Variants in DNAH1 observed in about 807,000 individuals in gnomAD.
DNAH1 encodes dynein axonemal heavy chain 1, also known as axonemal beta dynein heavy chain 1.
Under a neutral mutation model 484.3 loss-of-function variants are expected in DNAH1, and 327 were observed. The ratio of observed to expected loss-of-function variants is 0.68; its 90% CI spans 0.62 to 0.74. DNAH1 has a LOEUF of 0.74. Ranked by LOEUF, DNAH1 falls within the 30% of genes least tolerant of loss-of-function variation. The pLI is 0.00. For synonymous variants in DNAH1, 2,192 were observed against 2,191.9 expected (o/e 1.00, Z 0.00); for missense variants, 5,052 against 5,546.8 (o/e 0.91, Z 2.83).
intron 44 of DNAH1, chr3:52,374,055 A>T (rs1578166663): frequency 9.9e-7 from 1 of 1,008,930 alleles, no homozygotes; most frequent in African/African-American, 1.6e-5. Context: ...TTTGTATTGC[A>T]GCTTTTAAAG....
Position 52,397,744 on chromosome 3 carries a change from A to T in DNAH1, c.11825A>T (p.Asp3942Val). ...LSYIKSLPLN[D>V]MPEIFGLHDN... Reference sequence around the variant, plus strand: ...TACATCAAGAGCCTCCCACTCAATGATATGCCTGAGATCTTTGGCCTGCAT... The same window carrying T: ...TACATCAAGAGCCTCCCACTCAATGTTATGCCTGAGATCTTTGGCCTGCAT... Residue 3942 changes from aspartate to valine, a missense_variant, in exon 74 of 78, where the codon GAT (aspartate) becomes GTT (valine). This residue lies in a region of DNAH1 where 853 missense variants were observed against 899.0 expected (regional missense o/e 0.95). Coordinates refer to ENST00000420323, the MANE Select transcript of DNAH1 (RefSeq NM_015512.5). 1 of 1,613,290 alleles carries T rather than the reference A, an allele frequency of 6.2e-7. No homozygotes were observed. Among genetic ancestry groups the T allele is most frequent in the Non-Finnish European group, 8.5e-7 (1 of 1,179,462 alleles).
chr3:52,320,768 A>T (rs1433181688), intron 1 of DNAH1, among the ~76,000 whole-genome samples: 1 of 144,822 alleles, frequency 6.9e-6, no homozygotes, highest in Non-Finnish European at 1.5e-5. Flanking sequence ...ATTTCCTTTC[A>T]TTAAGATGCT....
chr3:52,354,680 G>A (rs1702533083), intron 20 of DNAH1, among the ~76,000 whole-genome samples, 163 bp from the exon 21 acceptor site: 1 of 152,138 alleles, frequency 6.6e-6, no homozygotes, highest in Non-Finnish European at 1.5e-5. Flanking sequence ...TCAGATGAGG[G>A]GCTCACACGG....
the DNAH1 span, among the ~76,000 whole-genome samples, chr3:52,311,291 T>G: frequency 1.3e-5 from 2 of 152,222 alleles, no homozygotes; most frequent in Non-Finnish European, 2.9e-5. Context: ...ACTGTGGGTG[T>G]GACCGGGACC....
At chr3:52,336,979 G>T (rs1357276181) in intron 8 of DNAH1, among the ~76,000 whole-genome samples, 1 of 152,150 alleles carries the variant, frequency 6.6e-6, no homozygotes, top group Non-Finnish European at 1.5e-5. Context: ...TGACTTGGTA[G>T]TTTGATGGGA....
Position 52,353,062 on chromosome 3 carries a change from T to C in DNAH1, c.3028-41T>C, listed in dbSNP as rs35860312. 0.19 allele frequency: 300,469 copies of C among 1,560,342 alleles called. 36,226 individuals are homozygous for C. The highest frequency in any genetic ancestry group is 0.58 in the African/African-American group (42,659 of 73,618). ...GGCAACATGGAGAGAGACTGGGAAG[T>C]GTCCCAAGACAGCCCCAGCCCTGCC... On this transcript the variant is annotated intron_variant, in intron 18 of 77. Coordinates refer to ENST00000420323, the MANE Select transcript of DNAH1 (RefSeq NM_015512.5). The surrounding 1 kb of genome is among the most constrained non-coding windows in gnomAD (Gnocchi z 5.0).
rs1277843644 is a variant in DNAH1 at position 52,364,653 on chromosome 3, G to A, written c.5260G>A (p.Gly1754Arg). 11 of 1,613,828 alleles carry A rather than the reference G, an allele frequency of 6.8e-6. No homozygotes were observed. The highest frequency in any genetic ancestry group is 2.2e-5 in the South Asian group (2 of 91,080). The change falls in exon 33 of 78, where the codon GGG becomes AGG. Residue 1754 changes from glycine (G) to arginine (R), a missense_variant. By Grantham distance (125) the Gly-to-Arg change is moderately radical. Around this residue, in one of 4 missense-constraint regions of DNAH1, gnomAD observed 2,929 missense variants for 3,409.4 expected, o/e 0.86. Coordinates refer to ENST00000420323, the MANE Select transcript of DNAH1 (RefSeq NM_015512.5). This position sits in a 1 kb window ranked among gnomAD's most constrained non-coding sequence, Gnocchi z 4.2. ...ATGGCGACAGGATCACTATGACTTC[G>A]GGATGAGAGCCGTGAAAACTGTGAT... ...QLSSQDHYDF[G>R]MRAVKTVISA...
chr3:52,378,316 G>A (rs1261796499), intron 46 of DNAH1, among the ~76,000 whole-genome samples: 3 of 151,636 alleles, frequency 2.0e-5, no homozygotes, highest in Non-Finnish European at 4.4e-5. Context: ...TAATGGCCCC[G>A]CCCAGCACTG....
Position 52,397,062 on chromosome 3 carries a change from G to A in DNAH1, c.11787+18G>A. The stretch of plus-strand genomic sequence containing the variant: ...ACCTCCACGTGAGTCCAGCCCAAAG[G>A]GCTGCACAGGAGGGGCCTGCCAGCC... On this transcript the variant is annotated intron_variant, in intron 73 of 77. Coordinates refer to ENST00000420323, the MANE Select transcript of DNAH1 (RefSeq NM_015512.5). 1 of 1,582,254 alleles carries A rather than the reference G, an allele frequency of 6.3e-7. No homozygotes were observed. Among genetic ancestry groups the A allele is most frequent in the Admixed American group, 1.8e-5 (1 of 55,664 alleles).
intron 44 of DNAH1, 115 bp from the exon 45 acceptor site, chr3:52,375,125 T>A: frequency 8.2e-7 from 1 of 1,214,770 alleles, no homozygotes; most frequent in Middle Eastern, 2.4e-4. Context: ...TGTATTTGTC[T>A]TTATTCCAGT....
intron 8 of DNAH1, among the ~76,000 whole-genome samples, chr3:52,341,419 A>G (rs1351535690): frequency 6.6e-6 from 1 of 152,112 alleles, no homozygotes; most frequent in Non-Finnish European, 1.5e-5. Context: ...AGCTGGTAAA[A>G]TATGGTTTTA....
rs1702153839 is a variant in DNAH1, at chr3:52,346,617, A to G, written c.1802A>G (p.Glu601Gly). Residue 601 changes from glutamate to glycine, a missense_variant, in exon 11 of 78, where the codon GAG becomes GGG. Coordinates refer to ENST00000420323, the MANE Select transcript of DNAH1 (RefSeq NM_015512.5). ...YLMSKLRKLM[E>G]LVKYMLQDTL... ...ATGTCCAAGCTGCGCAAGCTGATGGAGCTGGTGAAGTACATGCTGCAGGAC... is the reference window on the plus strand; with the variant it reads ...ATGTCCAAGCTGCGCAAGCTGATGGGGCTGGTGAAGTACATGCTGCAGGAC... 2 of 1,614,046 alleles carry G rather than the reference A, an allele frequency of 1.2e-6. No homozygotes were observed. The highest frequency in any genetic ancestry group is 1.7e-6 in the Non-Finnish European group (2 of 1,179,894).
intron 75 of DNAH1, 94 bp downstream of exon 75, chr3:52,398,256 A>G (rs1351030431): frequency 7.0e-7 from 1 of 1,425,634 alleles, no homozygotes; most frequent in Non-Finnish European, 9.3e-7. Flanking sequence ...TGCCATGCCA[A>G]GTGCTACACA....
intron 34 of DNAH1, among the ~76,000 whole-genome samples, chr3:52,366,068 C>G (rs577101520): frequency 1.9e-3 from 285 of 152,318 alleles, no homozygotes; most frequent in Non-Finnish European, 2.1e-3. Context: ...CCAACTGACC[C>G]TAGGATCTTG....
At chr3:52,356,508 T>C in intron 21 of DNAH1, 106 bp from the exon 22 acceptor site, 2 of 1,182,150 alleles carry the variant, frequency 1.7e-6, no homozygotes, top group Non-Finnish European at 2.4e-6. Context: ...TGTCCAGTGC[T>C]CTGCCCAACA....
intron 16 of DNAH1, 149 bp from the exon 17 acceptor site, chr3:52,351,813 C>A: frequency 1.1e-6 from 1 of 949,752 alleles, no homozygotes; most frequent in Non-Finnish European, 1.6e-6. Context: ...AGCTGTCTGG[C>A]CCCAGGTAGC....
At chr3:52,357,044 T>G (rs112347532) in intron 22 of DNAH1, among the ~76,000 whole-genome samples, 482 of 151,536 alleles carry the variant, frequency 3.2e-3, no homozygotes, top group African/African-American at 0.011. Context: ...TTTTTTGTTT[T>G]TTTTTTTGAA....
rs371396999 is a variant in DNAH1 at position 52,352,662 on chromosome 3, G to C, written c.2982G>C (p.Met994Ile). Residue 994 changes from methionine to isoleucine, a missense_variant, in exon 18 of 78, where the codon ATG becomes ATC. Met to Ile is a conservative substitution (Grantham distance 10, BLOSUM62 1). Around this residue, in one of 4 missense-constraint regions of DNAH1, gnomAD observed 2,929 missense variants for 3,409.4 expected, o/e 0.86. Transcript: ENST00000420323. ...TGAAGGACTGCCAGCAGCTGGCCAT[G>C]CTCTACAACAACCGCGAGCGCATCT... is the stretch of plus-strand genomic sequence containing the variant. ...KQLKDCQQLAMLYNNRERIFS... is the reference protein window; with the variant it reads ...KQLKDCQQLAILYNNRERIFS... 6.2e-7 allele frequency: 1 copy of C among 1,613,052 alleles called. No homozygotes were observed. The highest frequency in any genetic ancestry group is 8.5e-7 in the Non-Finnish European group (1 of 1,179,752).
Position 52,375,310 on chromosome 3 carries a change from C to T in DNAH1, c.7056C>T (p.Thr2352=), listed in dbSNP as rs756999690. 6 of 1,612,702 alleles carry T rather than the reference C, an allele frequency of 3.7e-6. No homozygotes were observed. The highest frequency in any genetic ancestry group is 1.7e-4 in the Middle Eastern group (1 of 6,058). Residue 2352 remains threonine, a synonymous_variant, in exon 45 of 78, where the codon ACC becomes ACT. Transcript: ENST00000420323. Reference sequence around the variant, plus strand: ...GCCCCCCGGGTGGAGGCAGGAACACCGTCACCCCGCGGCTGATGCGTCACT... The same window carrying T: ...GCCCCCCGGGTGGAGGCAGGAACACTGTCACCCCGCGGCTGATGCGTCACT... ...AMGPPGGGRN[T]VTPRLMRHFN... is the part of the protein sequence containing the mutation.
Sources: allele counts gnomAD v4.1 joint callset (sites outside exome capture counted in the v4.1 genomes callset), GRCh38; gene constraint gnomAD v4.1.1; regional missense constraint gnomAD v4.1.1; non-coding constraint Gnocchi (gnomAD v3.1); transcripts MANE v1.5; gene names NCBI Gene and HGNC (gene_info 2026-07-23, HGNC 2026-07-21).